Variants in HP1BP3 observed in about 807,000 individuals in gnomAD.
HP1BP3 encodes heterochromatin protein 1 binding protein 3, also known as heterochromatin protein 1-binding protein 3.
Under a neutral mutation model 62.5 loss-of-function variants are expected in HP1BP3, and 12 were observed. The ratio of observed to expected loss-of-function variants is 0.19; its 90% CI spans 0.12 to 0.31. The LOEUF is 0.31. HP1BP3 is among the 10% of genes least tolerant of loss of function. The pLI is 1.00. For synonymous variants in HP1BP3, 260 were observed against 237.8 expected (o/e 1.09, Z -0.86); for missense variants, 502 against 651.8 (o/e 0.77, Z 2.50).
chr1:20,759,703 C>T (rs1486240689), intron 8 of HP1BP3, among the ~76,000 whole-genome samples: 3 of 151,988 alleles, frequency 2.0e-5, no homozygotes, highest in East Asian at 1.9e-4. Context: ...TTGGTGATGA[C>T]ATCAGACTAA....
rs1042431317 is a variant in HP1BP3, at chr1:20,764,884, A to G, written c.890+493T>C. On this transcript the variant is annotated intron_variant, in intron 8 of 12. Coordinates refer to ENST00000438032, the MANE Select transcript of HP1BP3 (RefSeq NM_001372052.1). ...GAGCAAGACTTCATCTCAAAAAAAA[A>G]AAGGCTGGCCACAGCGGCTCACGCC... Among the ~76,000 whole-genome samples the G allele has an allele frequency of 2.0e-5, 3 of 151,256 alleles. No homozygotes were observed. In the East Asian group the frequency reaches 5.9e-4, roughly 30 times the overall value.
intron 3 of HP1BP3, among the ~76,000 whole-genome samples, chr1:20,778,988 C>T (rs1330211568): frequency 6.6e-6 from 1 of 152,050 alleles, no homozygotes; most frequent in Non-Finnish European, 1.5e-5. Context: ...TGGGGTTTCA[C>T]CATGATGGCC....
intron 9 of HP1BP3, among the ~76,000 whole-genome samples, chr1:20,754,330 T>A (rs1281545620): frequency 6.6e-6 from 1 of 152,202 alleles, no homozygotes; most frequent in Non-Finnish European, 1.5e-5. Flanking sequence ...ACCGAACAAC[T>A]ACAAAACACT....
chr1:20,762,165 C>A (rs2056521280), intron 8 of HP1BP3, among the ~76,000 whole-genome samples: 1 of 151,982 alleles, frequency 6.6e-6, no homozygotes, highest in Non-Finnish European at 1.5e-5. Flanking sequence ...CCATTATAAT[C>A]AAGAATTAGA....
chr1:20,756,189 GT>G (rs2056096922), intron 9 of HP1BP3, among the ~76,000 whole-genome samples: 1 of 152,120 alleles, frequency 6.6e-6, no homozygotes, highest in South Asian at 2.1e-4. Flanking sequence ...ATAACGATTT[GT>G]TGAGTTTTGG....
In HP1BP3 at chr1:20,740,649, C is replaced by T. The variant is rs1364975165; in HGVS notation, c.*4148G>A. Among the ~76,000 whole-genome samples the T allele has an allele frequency of 6.6e-6, 1 of 152,164 alleles. No individual in the cohort carries two copies. Among genetic ancestry groups the T allele is most frequent in the African/African-American group, 2.4e-5 (1 of 41,442 alleles). ...CAGCCTGGGCAACACAGTGAGGCCC[C>T]ATCTCTAGAAAAGATAAATTAGCCA... On this transcript the variant is annotated 3_prime_UTR_variant, in exon 13 of 13. Coordinates refer to ENST00000438032, the MANE Select transcript of HP1BP3 (RefSeq NM_001372052.1).
chr1:20,771,098 T>G, intron 5 of HP1BP3, 25 bp from the exon 6 acceptor site: 2 of 1,570,152 alleles, frequency 1.3e-6, no homozygotes, highest in South Asian at 2.4e-5. Context: ...TTAAACTAGT[T>G]GTTTTTTTTT....
chr1:20,747,094 C>CA (rs1248584090), intron 11 of HP1BP3, among the ~76,000 whole-genome samples: 1 of 152,196 alleles, frequency 6.6e-6, no homozygotes, highest in East Asian at 1.9e-4. Context: ...GAATGAACAT[C>CA]AAAATGACCA....
Position 20,745,517 on chromosome 1 carries a change from C to A in HP1BP3, c.1367+26G>T, listed in dbSNP as rs757673119. On this transcript the variant is annotated intron_variant, in intron 12 of 12. Transcript: ENST00000438032. ...GCTCTGAGGTATTTAGTGTCCTCCCCACAAGGGGTTTTCACATGTCCACAC... is the reference window on the plus strand; with the variant it reads ...GCTCTGAGGTATTTAGTGTCCTCCCAACAAGGGGTTTTCACATGTCCACAC... 2.5e-6 allele frequency: 4 copies of A among 1,612,448 alleles called. No individual in the cohort carries two copies. The South Asian group carries it at 3.3e-5, about 13-fold the overall frequency.
At chr1:20,768,302 C>G (rs954938396) in intron 6 of HP1BP3, among the ~76,000 whole-genome samples, 1 of 151,768 alleles carries the variant, frequency 6.6e-6, no homozygotes, top group Admixed American at 6.6e-5. Context: ...AAAAATTAGC[C>G]GGGCGTGGTG....
chr1:20,763,197 T>C (rs746740774), intron 8 of HP1BP3, among the ~76,000 whole-genome samples: 8 of 152,220 alleles, frequency 5.3e-5, no homozygotes, highest in Non-Finnish European at 1.0e-4. Flanking sequence ...TGCACTATGC[T>C]TCTTGTACAG....
chr1:20,773,708 CTTTAA>C (rs1403882892), intron 4 of HP1BP3, 98 bp from the exon 5 acceptor site: 1 of 800,564 alleles, frequency 1.2e-6, no homozygotes, highest in African/African-American at 1.8e-5. Context: ...AAAATTAATG[CTTTAA>C]TTTATTTACA....
At chr1:20,754,576 A>C (rs2055984840) in intron 9 of HP1BP3, among the ~76,000 whole-genome samples, 1 of 152,192 alleles carries the variant, frequency 6.6e-6, no homozygotes, top group African/African-American at 2.4e-5. Context: ...CCAAATTTCA[A>C]AATTCACTAT....
intron 8 of HP1BP3, among the ~76,000 whole-genome samples, chr1:20,757,486 C>T (rs964982973): frequency 2.6e-5 from 4 of 151,842 alleles, no homozygotes; most frequent in African/African-American, 7.3e-5. Flanking sequence ...ATTCTCCTGC[C>T]TCAGCCTCCC....
At chr1:20,767,523 T>G in intron 7 of HP1BP3, 61 bp downstream of exon 7, 1 of 1,055,236 alleles carries the variant, frequency 9.5e-7, no homozygotes, top group Non-Finnish European at 1.5e-6. Flanking sequence ...TCAATGAATG[T>G]TGCTATTTTT....
At chr1:20,767,473 A>G (rs2056841944) in intron 7 of HP1BP3, 111 bp downstream of exon 7, 1 of 790,138 alleles carries the variant, frequency 1.3e-6, no homozygotes, top group Non-Finnish European at 2.2e-6. Flanking sequence ...CCTTAGCAGA[A>G]AGGCTGAACC....
At chr1:20,768,765 G>A (rs899451918) in intron 6 of HP1BP3, among the ~76,000 whole-genome samples, 5 of 152,012 alleles carry the variant, frequency 3.3e-5, no homozygotes, top group African/African-American at 7.3e-5. Flanking sequence ...GCTTGAACAC[G>A]GGAGGCAGAG....
chr1:20,784,621 C>G (rs2057733700), intron 1 of HP1BP3, among the ~76,000 whole-genome samples: 1 of 151,572 alleles, frequency 6.6e-6, no homozygotes, highest in South Asian at 2.1e-4. Flanking sequence ...GGACTACAGG[C>G]GTCCGCCACG....
At position 20,742,473 on chromosome 1, in the gene HP1BP3, CA is replaced by C. The variant is rs1463360855; in HGVS notation, c.*2323del. 1.3e-5 allele frequency among the ~76,000 whole-genome samples: 2 copies of C among 152,064 alleles called. No individual in the cohort carries two copies. Among genetic ancestry groups the C allele is most frequent in the Non-Finnish European group, 2.9e-5 (2 of 68,010 alleles). The stretch of plus-strand genomic sequence containing the variant: ...AAAATGATTTTTTAAACCTTTGATT[CA>C]TTAAGTAATTAGCATTCAATGTATC... On this transcript the variant is annotated 3_prime_UTR_variant, in exon 13 of 13. Transcript: ENST00000438032.
Sources: gnomAD v4.1 joint callset for allele counts (sites outside exome capture counted in the v4.1 genomes callset) on GRCh38, gnomAD v4.1.1 for gene constraint, MANE v1.5 for transcripts, NCBI Gene and HGNC (gene_info 2026-07-23, HGNC 2026-07-21) for gene names.